GRM1: variants seen among roughly 807,000 people sequenced by gnomAD.
GRM1 encodes the protein metabotropic glutamate receptor 1.
Under a neutral mutation model 90.9 loss-of-function variants are expected in GRM1, and 33 were observed. The ratio of observed to expected loss-of-function variants is 0.36; its 90% CI spans 0.28 to 0.49. GRM1 has a LOEUF of 0.49. Ranked by LOEUF, GRM1 falls within the 20% of genes least tolerant of loss-of-function variation. GRM1 has a pLI of 0.99. For synonymous variants in GRM1, 700 were observed against 613.2 expected (o/e 1.14, Z -2.09); for missense variants, 1,190 against 1,534.3 (o/e 0.78, Z 3.75).
At chr6:146,247,478 G>T (rs941772382) in intron 2 of GRM1, among the ~76,000 whole-genome samples, 3 of 152,164 alleles carry the variant, frequency 2.0e-5, no homozygotes, top group Admixed American at 6.5e-5. Context: ...GCCGGGTGCA[G>T]CAGCTCATGC....
chr6:146,362,174 A>ACT (rs2115065518), intron 5 of GRM1, among the ~76,000 whole-genome samples: 1 of 152,304 alleles, frequency 6.6e-6, no homozygotes, highest in African/African-American at 2.4e-5. Context: ...CAGTAAGAGA[A>ACT]TAGAGGTAAC....
At chr6:146,193,689 A>G (rs1779009069) in intron 2 of GRM1, among the ~76,000 whole-genome samples, 1 of 151,660 alleles carries the variant, frequency 6.6e-6, no homozygotes, top group Admixed American at 6.6e-5. Context: ...TTTTGTTCTT[A>G]CCTTTTTTTT....
intron 1 of GRM1, among the ~76,000 whole-genome samples, chr6:146,054,780 A>T (rs1418953299): frequency 6.6e-6 from 1 of 152,158 alleles, no homozygotes; most frequent in African/African-American, 2.4e-5. Context: ...TAGGACAAAG[A>T]TTCAACTGAC....
chr6:146,035,080 G>T (rs1790840636), intron 1 of GRM1, among the ~76,000 whole-genome samples: 1 of 151,894 alleles, frequency 6.6e-6, no homozygotes, highest in Non-Finnish European at 1.5e-5. Flanking sequence ...GGGAATTTTG[G>T]TTAGAGTTTT....
chr6:146,121,746 T>G (rs1375354840), intron 1 of GRM1, among the ~76,000 whole-genome samples: 1 of 151,860 alleles, frequency 6.6e-6, no homozygotes, highest in Non-Finnish European at 1.5e-5. Flanking sequence ...TTGAGCAGTT[T>G]TGAGTTTCTT....
At chr6:146,421,622 A>T (rs1388996377) in intron 7 of GRM1, among the ~76,000 whole-genome samples, 1 of 152,184 alleles carries the variant, frequency 6.6e-6, no homozygotes, top group African/African-American at 2.4e-5. Context: ...ATAGGGCAAA[A>T]TGTTAATATT....
chr6:146,373,897 A>G (rs1328147765), intron 5 of GRM1, among the ~76,000 whole-genome samples: 1 of 152,100 alleles, frequency 6.6e-6, no homozygotes, highest in Non-Finnish European at 1.5e-5. Context: ...TTCCAGTACT[A>G]TGTTGAAAAG....
At chr6:146,095,750 T>G (rs946901461) in intron 1 of GRM1, among the ~76,000 whole-genome samples, 1 of 152,086 alleles carries the variant, frequency 6.6e-6, no homozygotes, top group South Asian at 2.1e-4. Context: ...TGCCATGAGA[T>G]TCATGAGAGT....
rs72225459 is a variant in GRM1 at position 146,159,604 on chromosome 6, TTCTCTCTC to T, written c.950+38_950+45del. The T allele has an allele frequency of 7.5e-3, 9,099 of 1,209,006 alleles. 27 individuals are homozygous for T. Among genetic ancestry groups the T allele is most frequent in the African/African-American group, 0.015 (1,007 of 66,004 alleles). 74.9% of individuals were successfully genotyped at this position (1,209,006 alleles called of 1,614,324 possible). On this transcript the variant is annotated splice_region_variant and intron_variant, in intron 2 of 7. Coordinates refer to ENST00000282753, the MANE Select transcript of GRM1 (RefSeq NM_001278064.2). ...AGTTCTCACTCATTGGAAGGTAAGTTTCTCTCTCTCTCTCTCTCTCTCTCTCTCTCTCT... is the reference window on the plus strand; with the variant it reads ...AGTTCTCACTCATTGGAAGGTAAGTTTCTCTCTCTCTCTCTCTCTCTCTCT...
intron 2 of GRM1, among the ~76,000 whole-genome samples, chr6:146,188,898 C>T (rs923842206): frequency 6.6e-5 from 10 of 152,258 alleles, no homozygotes; most frequent in Middle Eastern, 3.4e-3. Context: ...TCTGCCCTCA[C>T]GTTTTTTATC....
intron 2 of GRM1, among the ~76,000 whole-genome samples, chr6:146,238,805 G>A (rs552652398): frequency 4.6e-5 from 7 of 151,966 alleles, no homozygotes; most frequent in Non-Finnish European, 1.0e-4. Context: ...TTAAGCACAG[G>A]AAATATGCAT....
At chr6:146,293,613 C>T (rs144180329) in intron 2 of GRM1, among the ~76,000 whole-genome samples, 5 of 151,758 alleles carry the variant, frequency 3.3e-5, no homozygotes, top group Admixed American at 2.0e-4. Flanking sequence ...TATCCTTAAT[C>T]GGAAAGTTAT....
chr6:146,217,529 A>G (rs1322916260), intron 2 of GRM1, among the ~76,000 whole-genome samples: 3 of 152,238 alleles, frequency 2.0e-5, no homozygotes, highest in Admixed American at 2.0e-4. Context: ...TAATATTATT[A>G]TGCTCTCATA....
In GRM1 at chr6:146,434,132, C is replaced by T. The variant is rs1778510210; in HGVS notation, c.2921C>T (p.Pro974Leu). Residue 974 changes from proline to leucine, a missense_variant, in exon 8 of 8, where the codon CCT becomes CTT. Pro to Leu is a moderately conservative substitution (Grantham distance 98, BLOSUM62 -3). Around this residue, in one of 10 missense-constraint regions of GRM1, gnomAD observed 400 missense variants for 360.8 expected, o/e 1.11. Coordinates refer to ENST00000282753, the MANE Select transcript of GRM1 (RefSeq NM_001278064.2). The part of the protein sequence containing the change: ...QPIRFSPPGS[P>L]SMVVHRRVPS... ...ATTCGCTTTAGCCCGCCTGGTAGCC[C>T]TTCCATGGTGGTGCACAGGCGCGTG... The T allele has an allele frequency of 6.2e-7, 1 of 1,614,174 alleles. No homozygotes were observed. Among genetic ancestry groups the T allele is most frequent in the East Asian group, 2.2e-5 (1 of 44,850 alleles).
chr6:146,392,643 G>A (rs879234379), intron 6 of GRM1, among the ~76,000 whole-genome samples: 11 of 152,016 alleles, frequency 7.2e-5, no homozygotes, highest in Admixed American at 2.0e-4. Context: ...CCATCAACCC[G>A]TCATCTACAT....
intron 5 of GRM1, among the ~76,000 whole-genome samples, chr6:146,359,662 C>A (rs1775385681): frequency 6.6e-6 from 1 of 152,168 alleles, no homozygotes; most frequent in South Asian, 2.1e-4. Context: ...CGTGTGCTCC[C>A]CTTTACACCT....
At chr6:146,163,659 T>C (rs894200810) in intron 2 of GRM1, among the ~76,000 whole-genome samples, 1 of 152,182 alleles carries the variant, frequency 6.6e-6, no homozygotes, top group African/African-American at 2.4e-5. Context: ...TTTACCATGA[T>C]TGTTTTGTTT....
intron 1 of GRM1, among the ~76,000 whole-genome samples, chr6:146,041,196 C>T (rs758173185): frequency 6.6e-6 from 1 of 151,874 alleles, no homozygotes; most frequent in Non-Finnish European, 1.5e-5. Flanking sequence ...CTTTAGAATT[C>T]TTATTTCGGA....
intron 1 of GRM1, among the ~76,000 whole-genome samples, chr6:146,039,632 T>A (rs1791022832): frequency 1.3e-5 from 2 of 151,896 alleles, no homozygotes; most frequent in African/African-American, 4.8e-5. Context: ...AGGAGACAAA[T>A]CTGAAGGCCA....
Sources: allele counts gnomAD v4.1 joint callset (sites outside exome capture counted in the v4.1 genomes callset), GRCh38; gene constraint gnomAD v4.1.1; regional missense constraint gnomAD v4.1.1; transcripts MANE v1.5; gene names NCBI Gene and HGNC (gene_info 2026-07-23, HGNC 2026-07-21).